The following MYOF variants were observed in gnomAD, a reference collection of about 807,000 sequenced individuals.
MYOF encodes fer-1-like 3, myoferlin.
A neutral mutation model predicts 284.2 loss-of-function variants in MYOF; 244 were observed. The ratio of observed to expected loss-of-function variants is 0.86; its 90% CI spans 0.77 to 0.95. MYOF has a LOEUF of 0.95. MYOF is among the 40% of genes least tolerant of loss of function. MYOF has a pLI of 0.00. For synonymous variants in MYOF, 904 were observed against 919.7 expected (o/e 0.98, Z 0.31); for missense variants, 2,496 against 2,560.6 (o/e 0.97, Z 0.54).
intron 6 of MYOF, 85 bp downstream of exon 6, chr10:93,409,488 A>G: frequency 6.9e-7 from 1 of 1,453,958 alleles, no homozygotes; most frequent in Non-Finnish European, 9.4e-7. Flanking sequence ...CCATTGGAAT[A>G]GGTCCACTGA....
chr10:93,371,066 T>A (rs79581378), intron 24 of MYOF, among the ~76,000 whole-genome samples: 3 of 73,496 alleles, frequency 4.1e-5, no homozygotes, highest in Admixed American at 1.6e-4. Flanking sequence ...TCAAAGTGTG[T>A]TTTTTTCAAT....
chr10:93,392,202 A>G (rs940942242), intron 17 of MYOF, among the ~76,000 whole-genome samples: 2 of 152,234 alleles, frequency 1.3e-5, no homozygotes, highest in Non-Finnish European at 2.9e-5. Context: ...ATATCACCTT[A>G]TATTTGCACA....
chr10:93,307,193 C>CG (rs1456431141), intron 53 of MYOF, among the ~76,000 whole-genome samples, 192 bp from the exon 54 acceptor site: 8 of 120,212 alleles, frequency 6.7e-5, no homozygotes, highest in Admixed American at 6.2e-4. Context: ...GTAGCACCCC[C>CG]CCGCCAAGTT....
rs140852555 is a variant in MYOF, at chr10:93,331,551, G to A, written c.4811+1670C>T. Among the ~76,000 whole-genome samples, 520 of 152,222 alleles carry A rather than the reference G, an allele frequency of 3.4e-3. 9 individuals are homozygous for A. In the East Asian group the frequency reaches 0.063, roughly 18 times the overall value. On this transcript the variant is annotated intron_variant, in intron 43 of 53. Transcript: ENST00000359263. ...CCCTGCTTCCCTGTCTCCCTCACGG[G>A]AGCCCTCCTTCCTGCCCTGCGTGCC...
intron 5 of MYOF, among the ~76,000 whole-genome samples, chr10:93,424,915 G>A (rs1224735113): frequency 2.0e-5 from 3 of 150,632 alleles, no homozygotes; most frequent in African/African-American, 7.3e-5. Flanking sequence ...CTTCCTCCCA[G>A]GAGGGAGAAT....
At position 93,425,889 on chromosome 10, in the gene MYOF, C is replaced by T. The variant is rs1848568065; in HGVS notation, c.433+182G>A. 6 of 614,510 alleles carry T rather than the reference C, an allele frequency of 9.8e-6. No individual in the cohort carries two copies. The South Asian group carries it at 1.2e-4, about 12-fold the overall frequency. 38.1% of individuals were successfully genotyped at this position (614,510 alleles called of 1,614,324 possible). A position where few individuals can be genotyped will look rare whatever the true frequency, so the allele number is the denominator to read the frequency against. On this transcript the variant is annotated intron_variant, in intron 5 of 53. Transcript: ENST00000359263. Reference sequence around the variant, plus strand: ...CACCCTTCCCCTCTACCTTGAAGGGCATTTCATAAACAATTGCAATGTCCC... The same window carrying T: ...CACCCTTCCCCTCTACCTTGAAGGGTATTTCATAAACAATTGCAATGTCCC...
chr10:93,341,253 G>A (rs1843893662), intron 38 of MYOF, among the ~76,000 whole-genome samples: 1 of 150,898 alleles, frequency 6.6e-6, no homozygotes. Context: ...CCATTTCAAG[G>A]AAAATAATAG....
chr10:93,317,069 C>A (rs530067503), intron 49 of MYOF, among the ~76,000 whole-genome samples: 5 of 150,482 alleles, frequency 3.3e-5, no homozygotes, highest in Non-Finnish European at 7.4e-5. Context: ...TGACTTCCCG[C>A]TGCCACCTGG....
chr10:93,449,875 C>T lies in MYOF; in HGVS notation c.236+2175G>A, dbSNP rs138247890. Among the ~76,000 whole-genome samples, 348 of 152,160 alleles carry T rather than the reference C, an allele frequency of 2.3e-3. 1 individual carries two copies. The highest frequency in any genetic ancestry group is 7.8e-3 in the African/African-American group (325 of 41,526). ...ATGGTAAAAAGGATGTCATCAAAGG[C>T]GAAGATGGGAGTGCCTATCAAAGCA... is the stretch of plus-strand genomic sequence containing the variant. On this transcript the variant is annotated intron_variant, in intron 3 of 53. Transcript: ENST00000359263.
chr10:93,426,709 C>T (rs962047487), intron 4 of MYOF, among the ~76,000 whole-genome samples: 17 of 151,892 alleles, frequency 1.1e-4, no homozygotes, highest in African/African-American at 4.1e-4. Context: ...GCCAACATGG[C>T]GAAACCTTGT....
intron 5 of MYOF, among the ~76,000 whole-genome samples, chr10:93,420,814 C>T (rs932821524): frequency 2.6e-5 from 4 of 151,638 alleles, no homozygotes; most frequent in Non-Finnish European, 4.4e-5. Context: ...CTTTTTTGCT[C>T]GAGGAAAGAA....
chr10:93,465,580 T>A (rs2056991895), intron 1 of MYOF, among the ~76,000 whole-genome samples: 1 of 123,706 alleles, frequency 8.1e-6, no homozygotes, highest in African/African-American at 2.9e-5. Context: ...AGTGGCACAA[T>A]CTCGGCTCAC....
chr10:93,382,197 T>C (rs767344374), intron 19 of MYOF, among the ~76,000 whole-genome samples: 6 of 152,330 alleles, frequency 3.9e-5, no homozygotes, highest in East Asian at 1.9e-4. Flanking sequence ...TTCTAACTTA[T>C]ACATTTTTAA....
intron 5 of MYOF, among the ~76,000 whole-genome samples, chr10:93,420,485 C>A (rs999076712): frequency 2.0e-5 from 3 of 152,166 alleles, no homozygotes; most frequent in African/African-American, 7.2e-5. Flanking sequence ...AAGGTCTCTA[C>A]CTTTTGTCAT....
Position 93,351,293 on chromosome 10 carries a change from A to T in MYOF, c.3825T>A (p.Asp1275Glu). 1 of 1,612,270 alleles carries T rather than the reference A, an allele frequency of 6.2e-7. No individual in the cohort carries two copies. The highest frequency in any genetic ancestry group is 8.5e-7 in the Non-Finnish European group (1 of 1,179,294). ...GGGGAAGAATGGGAAGGTTGGAGCC[A>T]TCCTGTGAAACAAACATGGATATGT... ...VTAELILRGK[D>E]GSNLPILPPQ... The change falls in exon 35 of 54, where the codon GAT (aspartate) becomes GAA (glutamate). Residue 1275 changes from aspartate to glutamate, a missense_variant and splice_region_variant. Asp to Glu is a conservative substitution (Grantham distance 45, BLOSUM62 2). Transcript: ENST00000359263.
At chr10:93,374,363 G>A (rs1344869234) in intron 23 of MYOF, among the ~76,000 whole-genome samples, 2 of 152,130 alleles carry the variant, frequency 1.3e-5, no homozygotes, top group Non-Finnish European at 2.9e-5. Context: ...GGGAAACTGA[G>A]GCTCAGAGAG....
intron 2 of MYOF, among the ~76,000 whole-genome samples, chr10:93,454,630 C>T (rs1390049559): frequency 2.6e-5 from 4 of 152,116 alleles, no homozygotes; most frequent in Non-Finnish European, 4.4e-5. Context: ...GGGGAAATTA[C>T]AGATAAGTGG....
At chr10:93,434,861 C>T (rs1849047487) in intron 3 of MYOF, among the ~76,000 whole-genome samples, 1 of 152,052 alleles carries the variant, frequency 6.6e-6, no homozygotes, top group Non-Finnish European at 1.5e-5. Flanking sequence ...ACTGAAGACA[C>T]CCATTACTCC....
intron 31 of MYOF, among the ~76,000 whole-genome samples, chr10:93,354,661 CA>C (rs1844700029): frequency 3.5e-5 from 5 of 144,838 alleles, no homozygotes; most frequent in African/African-American, 1.0e-4. Context: ...ATCACTCACA[CA>C]TTCACTCTCT....
Sources: gnomAD v4.1 joint callset for allele counts (sites outside exome capture counted in the v4.1 genomes callset) on GRCh38, gnomAD v4.1.1 for gene constraint, MANE v1.5 for transcripts, NCBI Gene and HGNC (gene_info 2026-07-23, HGNC 2026-07-21) for gene names.